The following DGKH variants were observed in gnomAD, a reference collection of about 807,000 sequenced individuals.
DGKH encodes DAG kinase eta.
Under a neutral mutation model 159.3 loss-of-function variants are expected in DGKH, and 90 were observed. The observed-to-expected ratio is 0.57, with a 90% CI of 0.48 to 0.67. The LOEUF (loss-of-function observed/expected upper bound fraction) is 0.67. Ranked by LOEUF, DGKH falls within the 30% of genes least tolerant of loss-of-function variation. The probability of loss-of-function intolerance (pLI) is 0.00; values close to 1 mark genes in which losing one functional copy is unlikely to be tolerated. For missense variants in DGKH, 1,181 were observed against 1,506.1 expected, an observed-to-expected ratio of 0.78 and a Z score of 3.57; for synonymous variants, 536 against 553.8, an observed-to-expected ratio of 0.97 and a Z score of 0.45.
At chr13:42,092,164 A>G (rs1278721996) in intron 1 of DGKH, among the ~76,000 whole-genome samples, 1 of 152,224 alleles carries the variant, frequency 6.6e-6, no homozygotes, top group Non-Finnish European at 1.5e-5. Context: ...TAGTGCAGCC[A>G]TTATGGAAAG....
In DGKH at chr13:42,208,807, A is replaced by AT. The variant is rs375455321; in HGVS notation, c.2602-145dup. The AT allele has an allele frequency of 3.4e-3, 853 of 254,386 alleles. 15 individuals carry two copies. The East Asian group carries it at 0.043, about 13-fold the overall frequency. The allele number at this position is 254,386 out of a possible 1,614,324, so 15.8% of individuals were successfully genotyped here. A position where few individuals can be genotyped will look rare whatever the true frequency, so the allele number is the denominator to read the frequency against. The stretch of plus-strand genomic sequence containing the variant: ...GGTTTATTGGAAGTCATCTTCAGAG[A>AT]TTTTTTTCTTGGATTATTATTTCCT... On this transcript the variant is annotated intron_variant, in intron 21 of 29. Coordinates refer to ENST00000337343, the MANE Select transcript of DGKH (RefSeq NM_178009.5).
At chr13:42,183,778 T>C (rs1956836353) in intron 13 of DGKH, among the ~76,000 whole-genome samples, 1 of 152,226 alleles carries the variant, frequency 6.6e-6, no homozygotes. Flanking sequence ...ATAGATACCA[T>C]TTATTAGTAA....
intron 1 of DGKH, among the ~76,000 whole-genome samples, chr13:42,075,020 C>A (rs1954069241): frequency 6.6e-6 from 1 of 152,144 alleles, no homozygotes; most frequent in Non-Finnish European, 1.5e-5. Flanking sequence ...TTTATACTTA[C>A]TAATTGTGTG....
intron 1 of DGKH, chr13:42,066,664 C>T (rs1222572529): frequency 1.3e-5 from 2 of 152,152 alleles, no homozygotes; most frequent in African/African-American, 4.8e-5. Context: ...AAGGTTGAAC[C>T]TGGCTGTGCT....
intron 3 of DGKH, among the ~76,000 whole-genome samples, chr13:42,129,910 A>G (rs575068167): frequency 2.6e-5 from 4 of 152,232 alleles, no homozygotes; most frequent in East Asian, 1.9e-4. Flanking sequence ...TAATACTTCA[A>G]TTAATTCCAT....
In DGKH at chr13:42,187,495, G is replaced by A. The variant is rs1281815679; in HGVS notation, c.1638+347G>A. Among the ~76,000 whole-genome samples, 7 of 152,164 alleles carry A rather than the reference G, an allele frequency of 4.6e-5. No individual in the cohort carries two copies. The South Asian group carries it at 1.0e-3, about 23-fold the overall frequency. ...AGGTTCAAGCGATTCTCCTGTCTCA[G>A]CCCCCCAAGTAGCTGGATTACAGGT... is the stretch of plus-strand genomic sequence containing the variant. On this transcript the variant is annotated intron_variant, in intron 14 of 29. Coordinates refer to ENST00000337343, the MANE Select transcript of DGKH (RefSeq NM_178009.5).
intron 21 of DGKH, among the ~76,000 whole-genome samples, chr13:42,208,271 A>C (rs1044248513): frequency 6.6e-6 from 1 of 152,190 alleles, no homozygotes; most frequent in African/African-American, 2.4e-5. Flanking sequence ...CATATTATTT[A>C]TGATATAGTA....
intron 18 of DGKH, 107 bp from the exon 19 acceptor site, chr13:42,199,459 C>T: frequency 1.4e-6 from 1 of 722,978 alleles, no homozygotes; most frequent in Non-Finnish European, 2.2e-6. Flanking sequence ...TTACAATCTG[C>T]TATAAAATGA....
rs1955791366 is a variant in DGKH at position 42,148,401 on chromosome 13, TGAA to T, written c.385-6889_385-6887del. Among the ~76,000 whole-genome samples the T allele has an allele frequency of 2.0e-5, 3 of 152,210 alleles. No homozygotes were observed. In the South Asian group the frequency reaches 6.2e-4, roughly 31 times the overall value. On this transcript the variant is annotated intron_variant, in intron 3 of 29. Coordinates refer to ENST00000337343, the MANE Select transcript of DGKH (RefSeq NM_178009.5). Reference sequence around the variant, plus strand: ...CCTCACAATGAGTTAGCAAGTCCCATGAATTCTACCTCCTAAAAATCTATGGAA... The same window carrying T: ...CCTCACAATGAGTTAGCAAGTCCCATTTCTACCTCCTAAAAATCTATGGAA...
In DGKH at chr13:42,234,463, G is replaced by A. The variant is rs238348; in HGVS notation, c.*5275G>A. ...CTATGGATATGAATTCTTTAAGGAT[G>A]TAGCCCTTAATTAAGCTGTAAAAAC... On this transcript the variant is annotated 3_prime_UTR_variant, in exon 30 of 30. Transcript: ENST00000337343. 0.96 allele frequency: 146,917 copies of A among 152,310 alleles called. 70,908 individuals are homozygous for A. The highest frequency in any genetic ancestry group is 1 in the East Asian group (5,180 of 5,186). The allele number at this position is 152,310 out of a possible 1,614,324, so 9.4% of individuals were successfully genotyped here.
chr13:42,245,158 G>A (rs1361539631), downstream of DGKH, among the ~76,000 whole-genome samples: 2 of 152,150 alleles, frequency 1.3e-5, no homozygotes, highest in East Asian at 1.9e-4. Flanking sequence ...AATGAGACAA[G>A]CAAGTGAAAT....
At chr13:42,083,575 C>T (rs1211897869) in intron 1 of DGKH, among the ~76,000 whole-genome samples, 1 of 152,168 alleles carries the variant, frequency 6.6e-6, no homozygotes, top group Non-Finnish European at 1.5e-5. Context: ...AAGTACCTTC[C>T]CTGCCCTGGG....
intron 29 of DGKH, among the ~76,000 whole-genome samples, chr13:42,228,138 G>A (rs1160136311): frequency 6.6e-6 from 1 of 152,014 alleles, no homozygotes; most frequent in Non-Finnish European, 1.5e-5. Flanking sequence ...ATTCACCCTT[G>A]GATAGGTTTA....
intron 5 of DGKH, among the ~76,000 whole-genome samples, chr13:42,158,047 C>T (rs1956086207): frequency 6.6e-6 from 1 of 152,246 alleles, no homozygotes; most frequent in African/African-American, 2.4e-5. Flanking sequence ...GCGTGAGCCA[C>T]TGTGCCTGGC....
Position 42,238,844 on chromosome 13 carries a change from A to G in DGKH, c.*9656A>G, listed in dbSNP as rs1037543084. ...TGAACGATGACTTGATTTTTACATG[A>G]CATTTGAATTCTGTCACTATCTGAT... On this transcript the variant is annotated 3_prime_UTR_variant, in exon 30 of 30. Coordinates refer to ENST00000337343, the MANE Select transcript of DGKH (RefSeq NM_178009.5). 1 of 152,150 alleles carries G rather than the reference A, an allele frequency of 6.6e-6. No homozygotes were observed. Among genetic ancestry groups the G allele is most frequent in the Non-Finnish European group, 1.5e-5 (1 of 67,994 alleles). 9.4% of individuals were successfully genotyped at this position (152,150 alleles called of 1,614,324 possible).
chr13:42,154,311 C>G (rs1041448437), intron 3 of DGKH, among the ~76,000 whole-genome samples: 4 of 152,112 alleles, frequency 2.6e-5, no homozygotes, highest in African/African-American at 9.7e-5. Context: ...ACATTTTTCT[C>G]TTGTTCTGCA....
chr13:42,208,070 G>A (rs530186311), intron 21 of DGKH, among the ~76,000 whole-genome samples: 7 of 152,110 alleles, frequency 4.6e-5, no homozygotes, highest in Admixed American at 4.6e-4. Context: ...TAATGTCCAC[G>A]TTGTTTATTT....
rs191297739 is a variant in DGKH, at chr13:42,252,162, G to A, written n.4055-247G>A. Reference sequence around the variant, plus strand: ...TTTCCCCAATCTGTGATGAATTTGTGTAAGAACAGAATTACCTGTTCTTTG... The same window carrying A: ...TTTCCCCAATCTGTGATGAATTTGTATAAGAACAGAATTACCTGTTCTTTG... On this transcript the variant is annotated intron_variant and non_coding_transcript_variant, in intron 29 of 30. Coordinates refer to the DGKH transcript ENST00000498255. Among the ~76,000 whole-genome samples, 7 of 151,356 alleles carry A rather than the reference G, an allele frequency of 4.6e-5. No individual in the cohort carries two copies. In the East Asian group the frequency reaches 1.4e-3, roughly 29 times the overall value.
upstream of DGKH, among the ~76,000 whole-genome samples, chr13:42,048,427 G>A (rs1880956320): frequency 6.6e-6 from 1 of 151,018 alleles, no homozygotes; most frequent in Admixed American, 6.6e-5. The surrounding 1 kb of genome is among the most constrained non-coding windows in gnomAD (Gnocchi z 6.7). Flanking sequence ...AGACCGTAAG[G>A]GAGTGGAAGA....
Sources: gnomAD v4.1 joint callset for allele counts (sites outside exome capture counted in the v4.1 genomes callset) on GRCh38, gnomAD v4.1.1 for gene constraint, Gnocchi (gnomAD v3.1) non-coding constraint, MANE v1.5 for transcripts, NCBI Gene and HGNC (gene_info 2026-07-23, HGNC 2026-07-21) for gene names.